The following MACROD2 variants were observed in gnomAD, a reference collection of about 807,000 sequenced individuals.
MACROD2 encodes the protein mono-ADP ribosylhydrolase 2, also known as ADP-ribose glycohydrolase MACROD2.
A neutral mutation model predicts 70.4 loss-of-function variants in MACROD2; 36 were observed. That is an observed-to-expected ratio of 0.51 (90% CI 0.39 to 0.68). The LOEUF is 0.68. MACROD2 is among the 30% of genes least tolerant of loss of function. The pLI, the probability that MACROD2 is intolerant of heterozygous loss-of-function variation, is 0.00. For synonymous variants in MACROD2, 172 were observed against 178.8 expected, an observed-to-expected ratio of 0.96 and a Z score of 0.30; for missense variants, 496 against 538.4, an observed-to-expected ratio of 0.92 and a Z score of 0.78.
intron 8 of MACROD2, among the ~76,000 whole-genome samples, chr20:15,512,602 C>A (rs1183979778): frequency 1.3e-5 from 2 of 152,098 alleles, no homozygotes; most frequent in Non-Finnish European, 2.9e-5. Context: ...ATTAATTCTC[C>A]CTGGACATGA....
At chr20:14,693,475 T>G (rs1270258557) in intron 5 of MACROD2, among the ~76,000 whole-genome samples, 1 of 151,862 alleles carries the variant, frequency 6.6e-6, no homozygotes, top group African/African-American at 2.4e-5. Flanking sequence ...TGTAGATTTT[T>G]TTTCTCCCTG....
intron 5 of MACROD2, among the ~76,000 whole-genome samples, chr20:15,097,278 A>G (rs532799997): frequency 2.6e-4 from 39 of 152,170 alleles, no homozygotes; most frequent in African/African-American, 8.7e-4. Context: ...GCATTGTACT[A>G]TTTGTTTCTG....
chr20:14,865,747 C>A (rs1022618105), intron 5 of MACROD2, among the ~76,000 whole-genome samples: 9 of 152,082 alleles, frequency 5.9e-5, no homozygotes, highest in Non-Finnish European at 1.2e-4. Flanking sequence ...TCAACTCTTT[C>A]TTTATTGCTC....
rs78680118 is a variant in MACROD2, at chr20:14,814,613, A to G, written c.418+129654A>G. ...CCTAAAATATGGAATATTTGGAGTT[A>G]TAATGCCTTCTAAAGGAGGATATAT... On this transcript the variant is annotated intron_variant, in intron 5 of 17. Transcript: ENST00000684519. Among the ~76,000 whole-genome samples, 123 of 152,188 alleles carry G rather than the reference A, an allele frequency of 8.1e-4. 1 individual carries two copies. The highest frequency in any genetic ancestry group is 2.6e-3 in the African/African-American group (109 of 41,540).
At chr20:14,718,442 A>G (rs888512929) in intron 5 of MACROD2, among the ~76,000 whole-genome samples, 19 of 152,186 alleles carry the variant, frequency 1.2e-4, no homozygotes, top group East Asian at 1.9e-4. Flanking sequence ...GCTAGTCAAC[A>G]GGTGGGGGTC....
At chr20:15,483,278 A>C (rs2047123333) in intron 7 of MACROD2, among the ~76,000 whole-genome samples, 1 of 151,984 alleles carries the variant, frequency 6.6e-6, no homozygotes, top group Non-Finnish European at 1.5e-5. Context: ...CTTGCATGTG[A>C]TTGTCCAGTT....
At chr20:14,728,553 T>G (rs2058536966) in intron 5 of MACROD2, among the ~76,000 whole-genome samples, 1 of 152,210 alleles carries the variant, frequency 6.6e-6, no homozygotes, top group Non-Finnish European at 1.5e-5. Flanking sequence ...AGACACTATT[T>G]TACCATTATT....
intron 5 of MACROD2, among the ~76,000 whole-genome samples, chr20:14,964,794 C>T (rs1050123735): frequency 3.3e-5 from 5 of 152,124 alleles, no homozygotes; most frequent in Admixed American, 2.0e-4. Context: ...TTAAAAATCA[C>T]GCTCAACTAA....
intron 8 of MACROD2, among the ~76,000 whole-genome samples, chr20:15,861,307 G>A (rs1352469976): frequency 6.6e-6 from 1 of 152,214 alleles, no homozygotes; most frequent in Non-Finnish European, 1.5e-5. Context: ...CATACAGAGA[G>A]TGGAGATGAG....
chr20:15,708,793 G>A (rs917300743), intron 8 of MACROD2, among the ~76,000 whole-genome samples: 5 of 151,936 alleles, frequency 3.3e-5, no homozygotes, highest in East Asian at 1.9e-4. Context: ...TGGGAGCTGA[G>A]GCAGGAGGAT....
At chr20:14,771,737 T>TACACAC (rs11472593) in intron 5 of MACROD2, among the ~76,000 whole-genome samples, 7,975 of 145,578 alleles carry the variant, frequency 0.055, 274 homozygotes, top group African/African-American at 0.1. Flanking sequence ...ATACTTATCC[T>TACACAC]ACACACACAC....
At chr20:14,870,385 A>G (rs952055977) in intron 5 of MACROD2, among the ~76,000 whole-genome samples, 3 of 152,164 alleles carry the variant, frequency 2.0e-5, no homozygotes, top group African/African-American at 4.8e-5. Flanking sequence ...GCTATCATGA[A>G]TAGTGCTACA....
At position 14,334,438 on chromosome 20, in the gene MACROD2, C is replaced by T. The variant is rs2082899901; in HGVS notation, c.272-159041C>T. The stretch of plus-strand genomic sequence containing the variant: ...TGTTAGAAGGAGCTGAGAAACATCC[C>T]TTTTTATGCTCTGAAGAGAAAATGC... On this transcript the variant is annotated intron_variant, in intron 3 of 17. Coordinates refer to ENST00000684519, the MANE Select transcript of MACROD2 (RefSeq NM_001351661.2). Among the ~76,000 whole-genome samples, 3 of 152,258 alleles carry T rather than the reference C, an allele frequency of 2.0e-5. No homozygotes were observed. In the South Asian group the frequency reaches 6.2e-4, roughly 32 times the overall value.
chr20:14,948,801 G>C (rs2074453372), intron 5 of MACROD2, among the ~76,000 whole-genome samples: 1 of 152,158 alleles, frequency 6.6e-6, no homozygotes, highest in African/African-American at 2.4e-5. Context: ...GCCTAATACA[G>C]GACTTTCGCT....
intron 6 of MACROD2, among the ~76,000 whole-genome samples, chr20:15,389,144 G>A (rs928933146): frequency 6.6e-6 from 1 of 152,116 alleles, no homozygotes; most frequent in Non-Finnish European, 1.5e-5. Context: ...GTAGAGACAT[G>A]GTACCTGCAA....
intron 5 of MACROD2, among the ~76,000 whole-genome samples, chr20:14,718,588 T>C (rs2071425315): frequency 6.6e-6 from 1 of 152,160 alleles, no homozygotes; most frequent in African/African-American, 2.4e-5. Context: ...CTGTGGTTCA[T>C]GGAGTCTGAG....
intron 6 of MACROD2, among the ~76,000 whole-genome samples, chr20:15,311,101 T>C (rs2077747329): frequency 6.6e-6 from 1 of 152,174 alleles, no homozygotes; most frequent in South Asian, 2.1e-4. Flanking sequence ...AAGAAAATTG[T>C]AAGAAATCCA....
At chr20:14,893,106 A>T (rs1326084910) in intron 5 of MACROD2, 4 of 152,194 alleles carry the variant, frequency 2.6e-5, no homozygotes, top group Non-Finnish European at 5.9e-5. Flanking sequence ...GTTTAGCCAT[A>T]TTATAGAGTG....
At chr20:14,761,358 T>C (rs2072013090) in intron 5 of MACROD2, among the ~76,000 whole-genome samples, 1 of 152,120 alleles carries the variant, frequency 6.6e-6, no homozygotes, top group Non-Finnish European at 1.5e-5. Context: ...GCCATTGCTG[T>C]ACATTATTAA....
Sources: allele counts gnomAD v4.1 joint callset (sites outside exome capture counted in the v4.1 genomes callset), GRCh38; gene constraint gnomAD v4.1.1; transcripts MANE v1.5; gene names NCBI Gene and HGNC (gene_info 2026-07-23, HGNC 2026-07-21).